Variants in SPHKAP observed in about 807,000 individuals in gnomAD.
SPHKAP encodes the protein A-kinase anchor protein SPHKAP.
Under a neutral mutation model 137.5 loss-of-function variants are expected in SPHKAP, and 67 were observed. The ratio of observed to expected loss-of-function variants is 0.49; its 90% CI spans 0.40 to 0.60. SPHKAP has a LOEUF of 0.60. Ranked by LOEUF, SPHKAP falls within the 20% of genes least tolerant of loss-of-function variation. The probability of loss-of-function intolerance (pLI) is 0.00; values close to 1 mark genes in which losing one functional copy is unlikely to be tolerated. For missense variants in SPHKAP, 2,097 were observed against 2,069.3 expected (o/e 1.01, Z -0.26); for synonymous variants, 813 against 785.3 (o/e 1.04, Z -0.59).
At chr2:228,083,246 T>C (rs1345743506) in intron 3 of SPHKAP, among the ~76,000 whole-genome samples, 1 of 152,258 alleles carries the variant, frequency 6.6e-6, no homozygotes, top group Non-Finnish European at 1.5e-5. Flanking sequence ...CAATGGGCAG[T>C]GTCTTGTCAC....
intron 7 of SPHKAP, among the ~76,000 whole-genome samples, chr2:228,000,056 T>C (rs1314248576): frequency 6.6e-6 from 1 of 152,266 alleles, no homozygotes; most frequent in African/African-American, 2.4e-5. Flanking sequence ...AAAAATCCTC[T>C]GTGCTCTACC....
intron 3 of SPHKAP, among the ~76,000 whole-genome samples, chr2:228,067,100 G>A (rs1696851106): frequency 6.6e-6 from 1 of 152,146 alleles, no homozygotes; most frequent in South Asian, 2.1e-4. Context: ...CAACAACCTT[G>A]GTTTTTTATG....
In SPHKAP at chr2:228,086,224, T is replaced by C. The variant is rs369720281; in HGVS notation, c.246+22608A>G. On this transcript the variant is annotated intron_variant, in intron 3 of 11. Coordinates refer to ENST00000392056, the MANE Select transcript of SPHKAP (RefSeq NM_001142644.2). ...TTATCTAGAAATTTCACTAAGGGCA[T>C]ATAGAAAATGAAGAAATATTTATTC... 4.9e-4 allele frequency among the ~76,000 whole-genome samples: 75 copies of C among 152,240 alleles called. 1 individual carries two copies. The highest frequency in any genetic ancestry group is 1.7e-3 in the African/African-American group (70 of 41,536).
intron 5 of SPHKAP, chr2:228,022,331 G>T: frequency 4.0e-6 from 1 of 251,066 alleles, no homozygotes; most frequent in Non-Finnish European, 6.3e-6. Context: ...CAACTCCACT[G>T]AAACAAAAGG....
intron 1 of SPHKAP, among the ~76,000 whole-genome samples, chr2:228,151,383 G>A (rs112046783): frequency 0.12 from 18,903 of 151,454 alleles, 1,261 homozygotes; most frequent in Non-Finnish European, 0.14. Context: ...GAATAGTGCC[G>A]CAATAAACAT....
At chr2:228,086,296 T>C (rs1697536140) in intron 3 of SPHKAP, among the ~76,000 whole-genome samples, 1 of 152,040 alleles carries the variant, frequency 6.6e-6, no homozygotes, top group African/African-American at 2.4e-5. Context: ...CTGTGAAAGT[T>C]AAACCACAAC....
At chr2:228,088,604 T>C (rs1456852216) in intron 3 of SPHKAP, among the ~76,000 whole-genome samples, 2 of 152,222 alleles carry the variant, frequency 1.3e-5, no homozygotes, top group Admixed American at 1.3e-4. Flanking sequence ...TGGTGAAATG[T>C]AATTTCCAAT....
At chr2:228,122,489 A>C (rs553019795) in intron 2 of SPHKAP, among the ~76,000 whole-genome samples, 1 of 152,198 alleles carries the variant, frequency 6.6e-6, no homozygotes, top group East Asian at 1.9e-4. Flanking sequence ...GAAGTCCTCA[A>C]ACAGACTGAC....
At chr2:228,147,819 G>C (rs1023918047) in intron 1 of SPHKAP, among the ~76,000 whole-genome samples, 9 of 152,200 alleles carry the variant, frequency 5.9e-5, no homozygotes, top group African/African-American at 9.7e-5. Context: ...CAGCATCACA[G>C]TAGGGGAGGT....
chr2:228,132,843 CA>C (rs1313392929), intron 1 of SPHKAP, among the ~76,000 whole-genome samples: 91 of 126,110 alleles, frequency 7.2e-4, no homozygotes, highest in Admixed American at 7.9e-4. Context: ...ACTAAAAATA[CA>C]AAAAAAAAAA....
intron 3 of SPHKAP, 33 bp from the exon 4 acceptor site, chr2:228,027,576 G>C (rs1169738880): frequency 5.0e-6 from 8 of 1,604,958 alleles, no homozygotes; most frequent in Non-Finnish European, 6.8e-6. Flanking sequence ...GTACGTTAAA[G>C]TCAAAAACCT....
At chr2:228,180,681 C>T (rs1700880931) in intron 1 of SPHKAP, among the ~76,000 whole-genome samples, 1 of 152,170 alleles carries the variant, frequency 6.6e-6, no homozygotes, top group African/African-American at 2.4e-5. Context: ...GAGCGCTCCG[C>T]GCCCAGCGAG....
Position 228,161,745 on chromosome 2 carries a change from T to G in SPHKAP, c.32+19822A>C, listed in dbSNP as rs982658448. Among the ~76,000 whole-genome samples, 4 of 147,436 alleles carry G rather than the reference T, an allele frequency of 2.7e-5. No individual in the cohort carries two copies. The East Asian group carries it at 7.9e-4, about 29-fold the overall frequency. On this transcript the variant is annotated intron_variant, in intron 1 of 11. Transcript: ENST00000392056. ...AATAAAATAAAATAAAATACATGTT[T>G]GCTTAGAAGTACAAATCCACATTGC...
intron 3 of SPHKAP, among the ~76,000 whole-genome samples, chr2:228,105,723 GT>G (rs1425380102): frequency 6.6e-6 from 1 of 152,104 alleles, no homozygotes; most frequent in Non-Finnish European, 1.5e-5. Context: ...AAGAGCTGAT[GT>G]ATTTATAAGG....
At position 228,019,212 on chromosome 2, in the gene SPHKAP, A is replaced by G. The variant is rs1694739855; in HGVS notation, c.1642T>C (p.Ser548Pro). The change falls in exon 7 of 12, where the codon TCC becomes CCC. Residue 548 changes from serine (S) to proline (P), a missense_variant. By Grantham distance (74) the Ser-to-Pro change is moderately conservative. Coordinates refer to ENST00000392056, the MANE Select transcript of SPHKAP (RefSeq NM_001142644.2). The stretch of plus-strand genomic sequence containing the variant: ...GATGGAAAGGAGTACTCATTGATGG[A>G]AGGTTCCTTGAGTCCTTGGGGTGCT... ...TQAPQGLKEP[S>P]INEYSFPSAL... 1.9e-6 allele frequency: 3 copies of G among 1,613,682 alleles called. No homozygotes were observed. The highest frequency in any genetic ancestry group is 1.3e-5 in the African/African-American group (1 of 74,920).
At position 228,017,672 on chromosome 2, in the gene SPHKAP, G is replaced by A. The variant is rs778910801; in HGVS notation, c.3182C>T (p.Ala1061Val). ...TAACCGATTCCGGGGATAGCCCTGC[G>A]CCTGCCACATGCCGTCCACCATAGA... ...EFSMVDGMWQAQGYPRNRLLS... is the reference protein window; with the variant it reads ...EFSMVDGMWQVQGYPRNRLLS... The change falls in exon 7 of 12, where the codon GCG (alanine) becomes GTG (valine). Residue 1061 changes from alanine to valine, a missense_variant. Coordinates refer to ENST00000392056, the MANE Select transcript of SPHKAP (RefSeq NM_001142644.2). The A allele has an allele frequency of 1.9e-5, 31 of 1,613,726 alleles. No individual in the cohort carries two copies. Among genetic ancestry groups the A allele is most frequent in the African/African-American group, 8.0e-5 (6 of 74,916 alleles).
At chr2:228,060,279 C>G (rs1696591077) in intron 3 of SPHKAP, among the ~76,000 whole-genome samples, 1 of 152,046 alleles carries the variant, frequency 6.6e-6, no homozygotes, top group Admixed American at 6.6e-5. Context: ...AAACATAAAG[C>G]AAAAACAGCA....
At chr2:228,032,069 C>A (rs139818272) in intron 3 of SPHKAP, among the ~76,000 whole-genome samples, 1 of 151,980 alleles carries the variant, frequency 6.6e-6, no homozygotes, top group Non-Finnish European at 1.5e-5. Context: ...AGTCTTCAGA[C>A]GATCAAACTA....
At chr2:228,169,628 T>C (rs185762168) in intron 1 of SPHKAP, 1 of 152,044 alleles carries the variant, frequency 6.6e-6, no homozygotes, top group East Asian at 1.9e-4. Context: ...TCTGATGAAG[T>C]TGTAGAAGAA....
Sources: allele counts gnomAD v4.1 joint callset (sites outside exome capture counted in the v4.1 genomes callset), GRCh38; gene constraint gnomAD v4.1.1; transcripts MANE v1.5; gene names NCBI Gene and HGNC (gene_info 2026-07-23, HGNC 2026-07-21).